Variants in KCNIP4 observed in about 807,000 individuals in gnomAD.
KCNIP4 encodes the protein potassium voltage-gated channel interacting protein 4, also known as Kv channel-interacting protein 4.
KCNIP4 carries 12 observed loss-of-function variants against 34.0 expected under a neutral mutation model. The ratio of observed to expected loss-of-function variants is 0.35; its 90% CI spans 0.23 to 0.57. KCNIP4 has a LOEUF of 0.57. Ranked by LOEUF, KCNIP4 falls within the 20% of genes least tolerant of loss-of-function variation. The probability of loss-of-function intolerance (pLI) is 0.83; values close to 1 mark genes in which losing one functional copy is unlikely to be tolerated. For missense variants in KCNIP4, 238 were observed against 311.7 expected, an observed-to-expected ratio of 0.76 and a Z score of 1.78; for synonymous variants, 124 against 102.2, an observed-to-expected ratio of 1.21 and a Z score of -1.29.
chr4:21,121,461 A>T lies in KCNIP4; in HGVS notation c.62-238752T>A, dbSNP rs567638119. Among the ~76,000 whole-genome samples, 5 of 152,282 alleles carry T rather than the reference A, an allele frequency of 3.3e-5. No individual in the cohort carries two copies. The East Asian group carries it at 9.7e-4, about 29-fold the overall frequency. ...GTAATCACATATTCAAGCCTAAGTCACTCGTTACATATTTTAATAAGAATC... is the reference window on the plus strand; with the variant it reads ...GTAATCACATATTCAAGCCTAAGTCTCTCGTTACATATTTTAATAAGAATC... On this transcript the variant is annotated intron_variant, in intron 1 of 8. Coordinates refer to ENST00000382152, the MANE Select transcript of KCNIP4 (RefSeq NM_025221.6).
chr4:21,284,181 C>G (rs1414911144), intron 1 of KCNIP4, among the ~76,000 whole-genome samples: 5 of 151,628 alleles, frequency 3.3e-5, no homozygotes, highest in Non-Finnish European at 1.5e-5. Context: ...CCACTGCACT[C>G]CAGCCTGGGC....
chr4:21,473,186 C>T (rs1357341115), intron 1 of KCNIP4, among the ~76,000 whole-genome samples: 1 of 152,174 alleles, frequency 6.6e-6, no homozygotes, highest in Non-Finnish European at 1.5e-5. Flanking sequence ...GCAAATGTTA[C>T]TTTTGCTGCT....
At chr4:20,730,493 C>T (rs1426556339) in intron 8 of KCNIP4, among the ~76,000 whole-genome samples, 2 of 152,078 alleles carry the variant, frequency 1.3e-5, no homozygotes, top group African/African-American at 4.8e-5. Context: ...AGATCACAGG[C>T]CAAATCACAC....
chr4:21,682,914 T>C (rs973136269), intron 1 of KCNIP4, among the ~76,000 whole-genome samples: 1 of 152,172 alleles, frequency 6.6e-6, no homozygotes, highest in Non-Finnish European at 1.5e-5. Context: ...ATAAAAGATA[T>C]AATGATAATG....
At chr4:20,976,850 T>A (rs1364390295) in intron 1 of KCNIP4, among the ~76,000 whole-genome samples, 1 of 152,146 alleles carries the variant, frequency 6.6e-6, no homozygotes, top group Non-Finnish European at 1.5e-5. Flanking sequence ...CTCTTTTTTT[T>A]GAGATGGAGT....
chr4:21,224,515 C>T (rs1758216055), intron 1 of KCNIP4, among the ~76,000 whole-genome samples: 1 of 151,284 alleles, frequency 6.6e-6, no homozygotes, highest in Non-Finnish European at 1.5e-5. Flanking sequence ...AAACATTCCA[C>T]CCATAACAGT....
chr4:21,756,295 C>A (rs556756453), intron 1 of KCNIP4, among the ~76,000 whole-genome samples: 28 of 152,262 alleles, frequency 1.8e-4, no homozygotes, highest in African/African-American at 6.7e-4. Context: ...GTGGCTTACG[C>A]CTGTAATCCC....
intron 1 of KCNIP4, among the ~76,000 whole-genome samples, chr4:21,840,888 T>G (rs1178304197): frequency 6.6e-6 from 1 of 152,184 alleles, no homozygotes; most frequent in Non-Finnish European, 1.5e-5. Context: ...GTCTCATCAA[T>G]AAATTTCTTT....
chr4:20,940,620 T>C (rs1369837499), intron 1 of KCNIP4, among the ~76,000 whole-genome samples: 1 of 152,234 alleles, frequency 6.6e-6, no homozygotes, highest in African/African-American at 2.4e-5. Flanking sequence ...AGGGATATTC[T>C]GACTGTTGGC....
intron 1 of KCNIP4, among the ~76,000 whole-genome samples, chr4:21,728,379 A>G (rs990774941): frequency 2.6e-5 from 4 of 152,132 alleles, no homozygotes; most frequent in African/African-American, 9.7e-5. Context: ...TGTTGGCTCA[A>G]TGTTCATAAT....
intron 1 of KCNIP4, among the ~76,000 whole-genome samples, chr4:21,145,260 C>T (rs1752269813): frequency 6.6e-6 from 1 of 152,140 alleles, no homozygotes; most frequent in African/African-American, 2.4e-5. Flanking sequence ...TCTCTACTAT[C>T]AATTCTTTTT....
Position 21,135,478 on chromosome 4 carries a change from A to G in KCNIP4, c.62-252769T>C, listed in dbSNP as rs116086333. The stretch of plus-strand genomic sequence containing the variant: ...TATTTCTTCAACCACTAAACTAGTC[A>G]CCACTTTTTAGTGTAGAACTTACTG... On this transcript the variant is annotated intron_variant, in intron 1 of 8. Coordinates refer to ENST00000382152, the MANE Select transcript of KCNIP4 (RefSeq NM_025221.6). 7.2e-3 allele frequency among the ~76,000 whole-genome samples: 1,103 copies of G among 152,292 alleles called. 11 individuals are homozygous for G. Among genetic ancestry groups the G allele is most frequent in the African/African-American group, 0.024 (1,000 of 41,552 alleles).
intron 1 of KCNIP4, among the ~76,000 whole-genome samples, chr4:21,475,035 T>A (rs1730828059): frequency 6.6e-6 from 1 of 150,832 alleles, no homozygotes; most frequent in African/African-American, 2.4e-5. Flanking sequence ...ATAAAATAAA[T>A]TAATTAATTA....
chr4:21,347,413 G>C (rs1717562507), intron 1 of KCNIP4, among the ~76,000 whole-genome samples: 1 of 152,156 alleles, frequency 6.6e-6, no homozygotes, highest in Admixed American at 6.6e-5. Context: ...GAATTACTCT[G>C]TCTGCTCTCT....
chr4:20,743,839 C>A (rs1282889941), intron 5 of KCNIP4, among the ~76,000 whole-genome samples: 3 of 151,596 alleles, frequency 2.0e-5, no homozygotes, highest in Admixed American at 2.0e-4. Context: ...AGGCAACCTA[C>A]AAAATGGGAG....
At chr4:21,096,950 C>A (rs1273154594) in intron 1 of KCNIP4, among the ~76,000 whole-genome samples, 2 of 151,912 alleles carry the variant, frequency 1.3e-5, no homozygotes, top group African/African-American at 4.8e-5. Flanking sequence ...GCTGGACAGA[C>A]AATGGGACAA....
In KCNIP4 at chr4:21,679,323, C is replaced by G. The variant is rs570590888; in HGVS notation, c.61+269248G>C. On this transcript the variant is annotated intron_variant, in intron 1 of 8. Coordinates refer to ENST00000382152, the MANE Select transcript of KCNIP4 (RefSeq NM_025221.6). ...CTGGCTTAGTATGTGTATTATCTGA[C>G]TCCCCACTACATGAGGCTAAGATCT... Among the ~76,000 whole-genome samples, 43 of 152,320 alleles carry G rather than the reference C, an allele frequency of 2.8e-4. No homozygotes were observed. The South Asian group carries it at 8.5e-3, about 30-fold the overall frequency.
chr4:21,567,420 C>T (rs1739985535), intron 1 of KCNIP4, among the ~76,000 whole-genome samples: 1 of 152,008 alleles, frequency 6.6e-6, no homozygotes, highest in African/African-American at 2.4e-5. Flanking sequence ...CCTGCCACCC[C>T]CTCTTTCTTG....
At chr4:20,766,288 G>T (rs1755405635) in intron 3 of KCNIP4, among the ~76,000 whole-genome samples, 1 of 152,118 alleles carries the variant, frequency 6.6e-6, no homozygotes, top group African/African-American at 2.4e-5. Flanking sequence ...AACTTTAGAG[G>T]CCAGGCACGG....
Sources: allele counts gnomAD v4.1 joint callset (sites outside exome capture counted in the v4.1 genomes callset), GRCh38; gene constraint gnomAD v4.1.1; transcripts MANE v1.5; gene names NCBI Gene and HGNC (gene_info 2026-07-23, HGNC 2026-07-21).